The following TEAD1 variants were observed in gnomAD, a reference collection of about 807,000 sequenced individuals.
The protein encoded by TEAD1 is transcriptional enhancer factor TEF-1.
A neutral mutation model predicts 54.9 loss-of-function variants in TEAD1; 9 were observed. The ratio of observed to expected loss-of-function variants is 0.16; its 90% CI spans 0.10 to 0.29. TEAD1 has a LOEUF of 0.29. Ranked by LOEUF, TEAD1 falls within the 10% of genes least tolerant of loss-of-function variation. The probability of loss-of-function intolerance (pLI) is 1.00; values close to 1 mark genes in which losing one functional copy is unlikely to be tolerated. For missense variants in TEAD1, 387 were observed against 535.9 expected, an observed-to-expected ratio of 0.72 and a Z score of 2.74; for synonymous variants, 200 against 187.8, an observed-to-expected ratio of 1.07 and a Z score of -0.53.
chr11:12,780,165 T>C (rs1168684867), intron 3 of TEAD1, among the ~76,000 whole-genome samples: 2 of 151,926 alleles, frequency 1.3e-5, no homozygotes, highest in East Asian at 1.9e-4. Context: ...AAAACAACAC[T>C]ATTAAAGTTC....
At chr11:12,797,192 C>T (rs1257383603) in intron 3 of TEAD1, among the ~76,000 whole-genome samples, 2 of 152,210 alleles carry the variant, frequency 1.3e-5, no homozygotes, top group East Asian at 3.8e-4. Context: ...ATGGTGACCT[C>T]TTAACTTTTA....
At chr11:12,790,737 G>T (rs887344259) in intron 3 of TEAD1, among the ~76,000 whole-genome samples, 2 of 152,204 alleles carry the variant, frequency 1.3e-5, no homozygotes, top group East Asian at 3.9e-4. Context: ...TAAAGAAGGT[G>T]TATAAATAGT....
At chr11:12,849,728 C>G (rs1252095680) in intron 3 of TEAD1, among the ~76,000 whole-genome samples, 1 of 152,230 alleles carries the variant, frequency 6.6e-6, no homozygotes, top group Non-Finnish European at 1.5e-5. Flanking sequence ...CCAGCCTATT[C>G]ATAGACTTAA....
chr11:12,932,097 T>C (rs565480469), intron 12 of TEAD1, among the ~76,000 whole-genome samples: 43 of 152,362 alleles, frequency 2.8e-4, no homozygotes, highest in African/African-American at 1.0e-3. Flanking sequence ...AGAATCTTAA[T>C]GGGTTCTCAG....
In TEAD1 at chr11:12,881,917, G is replaced by C. The variant is rs774651406; in HGVS notation, c.534G>C (p.Gln178His). The change falls in exon 8 of 13, where the codon CAG (glutamine) becomes CAC (histidine). Residue 178 changes from glutamine to histidine, a missense_variant. By Grantham distance (24) the Gln-to-His change is conservative (BLOSUM62 0). Transcript: ENST00000527636. Reference sequence around the variant, plus strand: ...CCAGCGTCAAGCCTTTTGTGCAGCAGGCCTACCCCATCCAGCCAGCGGTCA... The same window carrying C: ...CCAGCGTCAAGCCTTTTGTGCAGCACGCCTACCCCATCCAGCCAGCGGTCA... 1 of 1,614,198 alleles carries C rather than the reference G, an allele frequency of 6.2e-7. No individual in the cohort carries two copies. The highest frequency in any genetic ancestry group is 1.3e-5 in the African/African-American group (1 of 75,060).
At chr11:12,702,901 G>T (rs765135186) in intron 2 of TEAD1, among the ~76,000 whole-genome samples, 32 of 152,166 alleles carry the variant, frequency 2.1e-4, no homozygotes, top group South Asian at 8.3e-4. Flanking sequence ...CAATAATTCT[G>T]TGAAGGAGGT....
chr11:12,805,312 A>C (rs981997537), intron 3 of TEAD1, among the ~76,000 whole-genome samples: 1 of 152,222 alleles, frequency 6.6e-6, no homozygotes, highest in Non-Finnish European at 1.5e-5. Context: ...GGGCAGCTGA[A>C]TATGATCAAT....
intron 2 of TEAD1, among the ~76,000 whole-genome samples, chr11:12,714,853 C>T (rs1422346888): frequency 6.6e-6 from 1 of 152,142 alleles, no homozygotes; most frequent in African/African-American, 2.4e-5. Context: ...GTCCCAGTCT[C>T]CTCTTGTAAG....
At chr11:12,857,578 C>CTGTGTATG (rs1554942774) in intron 3 of TEAD1, among the ~76,000 whole-genome samples, 1 of 145,750 alleles carries the variant, frequency 6.9e-6, no homozygotes, top group Non-Finnish European at 1.5e-5. Flanking sequence ...CTCTCTGTCT[C>CTGTGTATG]TGTGTGTGTG....
intron 2 of TEAD1, among the ~76,000 whole-genome samples, chr11:12,705,857 A>G (rs1207071571): frequency 1.3e-5 from 2 of 152,188 alleles, no homozygotes; most frequent in African/African-American, 2.4e-5. Flanking sequence ...TTGAACTACA[A>G]ATATTTCAAA....
At chr11:12,729,903 G>A (rs1033658638) in intron 2 of TEAD1, among the ~76,000 whole-genome samples, 1 of 152,188 alleles carries the variant, frequency 6.6e-6, no homozygotes, top group African/African-American at 2.4e-5. Flanking sequence ...AATAATGCCT[G>A]CATGTGTTGC....
intron 3 of TEAD1, among the ~76,000 whole-genome samples, chr11:12,775,520 A>G (rs1945398962): frequency 6.6e-6 from 1 of 152,006 alleles, no homozygotes; most frequent in Non-Finnish European, 1.5e-5. Context: ...TATTGTTGTT[A>G]TGTATTTTAT....
At chr11:12,724,980 A>AT (rs1160871371) in intron 2 of TEAD1, among the ~76,000 whole-genome samples, 3 of 152,000 alleles carry the variant, frequency 2.0e-5, no homozygotes, top group African/African-American at 4.8e-5. Context: ...GGCCTGGTTG[A>AT]TTTTAGCCTG....
At chr11:12,879,144 C>A (rs1443046829) in intron 5 of TEAD1, among the ~76,000 whole-genome samples, 1 of 152,168 alleles carries the variant, frequency 6.6e-6, no homozygotes, top group Non-Finnish European at 1.5e-5. Context: ...CCCTGTTACC[C>A]CCAACCCCCG....
intron 3 of TEAD1, among the ~76,000 whole-genome samples, chr11:12,834,610 T>C (rs1299453339): frequency 7.0e-6 from 1 of 142,184 alleles, no homozygotes; most frequent in South Asian, 2.1e-4. Context: ...ATTAAAGATA[T>C]TTTTTGTTTG....
intron 9 of TEAD1, among the ~76,000 whole-genome samples, chr11:12,889,176 G>A (rs1948148682): frequency 6.6e-6 from 1 of 152,202 alleles, no homozygotes; most frequent in Non-Finnish European, 1.5e-5. Flanking sequence ...GCATATCAAA[G>A]GATCTCAAGT....
chr11:12,734,116 A>G (rs1326624725), intron 2 of TEAD1, among the ~76,000 whole-genome samples: 1 of 152,126 alleles, frequency 6.6e-6, no homozygotes, highest in Non-Finnish European at 1.5e-5. Flanking sequence ...GGATCTTGCC[A>G]TGTTGCCCAG....
intron 3 of TEAD1, among the ~76,000 whole-genome samples, chr11:12,767,719 G>A (rs1264191913): frequency 6.6e-6 from 1 of 152,208 alleles, no homozygotes; most frequent in African/African-American, 2.4e-5. Flanking sequence ...GGCTTCTGCT[G>A]TGGGCACCCT....
chr11:12,823,165 C>T (rs1946586474), intron 3 of TEAD1, among the ~76,000 whole-genome samples: 1 of 152,196 alleles, frequency 6.6e-6, no homozygotes, highest in African/African-American at 2.4e-5. Flanking sequence ...CAGGCTATCC[C>T]CCTCAGCTCT....
Sources: allele counts gnomAD v4.1 joint callset (sites outside exome capture counted in the v4.1 genomes callset), GRCh38; gene constraint gnomAD v4.1.1; transcripts MANE v1.5; gene names NCBI Gene and HGNC (gene_info 2026-07-23, HGNC 2026-07-21).